INPP5A: variants seen among roughly 807,000 people sequenced by gnomAD.
INPP5A encodes inositol polyphosphate-5-phosphatase A, also known as 43 kDa inositol polyphosphate 5-phophatase.
INPP5A carries 14 observed loss-of-function variants against 65.2 expected under a neutral mutation model. The ratio of observed to expected loss-of-function variants is 0.21; its 90% CI spans 0.14 to 0.34. The LOEUF is 0.34. Among genes scored for constraint, INPP5A ranks in the 10% least tolerant of loss-of-function variants. INPP5A has a pLI of 1.00. For missense variants in INPP5A, 431 were observed against 545.6 expected (o/e 0.79, Z 2.09); for synonymous variants, 207 against 208.3 (o/e 0.99, Z 0.05).
At chr10:132,591,861 A>T (rs547493809) in intron 1 of INPP5A, among the ~76,000 whole-genome samples, 23 of 152,144 alleles carry the variant, frequency 1.5e-4, no homozygotes, top group African/African-American at 5.5e-4. Context: ...GTGAAATGGC[A>T]CTGGGCGTAA....
At position 132,707,816 on chromosome 10, in the gene INPP5A, C is replaced by CATCGGTGGGTGAAT. The variant is rs1564974505; in HGVS notation, c.475-497_475-496insATCGGTGGGTGAAT. Among the ~76,000 whole-genome samples, 165 of 151,594 alleles carry CATCGGTGGGTGAAT rather than the reference C, an allele frequency of 1.1e-3. 1 individual carries two copies. Among genetic ancestry groups the CATCGGTGGGTGAAT allele is most frequent in the African/African-American group, 3.8e-3 (159 of 41,368 alleles). ...TGGGTGAGAGGCATCGGTGGGTGAACGGCATCGGTGGGTGAGAGGCATCGG... is the reference window on the plus strand; with the variant it reads ...TGGGTGAGAGGCATCGGTGGGTGAACATCGGTGGGTGAATGGCATCGGTGGGTGAGAGGCATCGG... On this transcript the variant is annotated intron_variant, in intron 6 of 15. Coordinates refer to ENST00000368594, the MANE Select transcript of INPP5A (RefSeq NM_005539.5). This position sits in a 1 kb window ranked among gnomAD's most constrained non-coding sequence, Gnocchi z 5.5.
intron 2 of INPP5A, among the ~76,000 whole-genome samples, chr10:132,619,256 G>T (rs956266519): frequency 2.0e-5 from 3 of 152,236 alleles, no homozygotes; most frequent in Non-Finnish European, 4.4e-5. Context: ...TAAGCCAAAA[G>T]AAATGGGCTA....
chr10:132,608,336 G>A (rs144212886), intron 2 of INPP5A, among the ~76,000 whole-genome samples: 303 of 152,372 alleles, frequency 2.0e-3, no homozygotes, highest in African/African-American at 6.9e-3. Flanking sequence ...GGTCCGTGCA[G>A]CGCACTCTGT....
chr10:132,732,372 TC>T (rs1436561779), intron 9 of INPP5A, among the ~76,000 whole-genome samples: 1 of 152,230 alleles, frequency 6.6e-6, no homozygotes, highest in African/African-American at 2.4e-5. Context: ...GACAAGTCTT[TC>T]GTTACATTTT....
intron 11 of INPP5A, among the ~76,000 whole-genome samples, chr10:132,761,856 A>G (rs148365143): frequency 2.6e-5 from 4 of 152,374 alleles, no homozygotes; most frequent in African/African-American, 9.6e-5. Context: ...CAGACCGTCA[A>G]TAATGCCAAA....
At chr10:132,653,659 T>C (rs1244683378) in intron 4 of INPP5A, among the ~76,000 whole-genome samples, 1 of 152,174 alleles carries the variant, frequency 6.6e-6, no homozygotes, top group Non-Finnish European at 1.5e-5. Context: ...AAAAAAGATA[T>C]ATGGAAAAGT....
At chr10:132,702,881 C>G (rs550833227) in intron 6 of INPP5A, among the ~76,000 whole-genome samples, 1 of 152,136 alleles carries the variant, frequency 6.6e-6, no homozygotes, top group African/African-American at 2.4e-5. Flanking sequence ...TGGGGTGGGC[C>G]GGGGCACTTG....
At chr10:132,723,830 G>T (rs573812995) in intron 8 of INPP5A, among the ~76,000 whole-genome samples, 1 of 151,794 alleles carries the variant, frequency 6.6e-6, no homozygotes, top group Non-Finnish European at 1.5e-5. Flanking sequence ...CTGGGGTCTC[G>T]GAGCACAGGG....
chr10:132,657,604 G>T (rs939295382), intron 4 of INPP5A, among the ~76,000 whole-genome samples: 2 of 152,186 alleles, frequency 1.3e-5, no homozygotes, highest in Non-Finnish European at 2.9e-5. Flanking sequence ...TGAGAGGCCC[G>T]CTGCTTCCTG....
intron 8 of INPP5A, among the ~76,000 whole-genome samples, chr10:132,720,334 C>T (rs1387403569): frequency 3.3e-5 from 5 of 149,730 alleles, no homozygotes; most frequent in African/African-American, 9.9e-5. Context: ...TTTCTGGAGG[C>T]GCCTTAGACA....
At chr10:132,737,773 T>G (rs528049003) in intron 9 of INPP5A, among the ~76,000 whole-genome samples, 31 of 152,390 alleles carry the variant, frequency 2.0e-4, no homozygotes, top group Non-Finnish European at 4.1e-4. Context: ...AGCACTGATT[T>G]AAATCATTAA....
In INPP5A at chr10:132,782,069, C is replaced by A. The variant is rs749141674; in HGVS notation, c.*40C>A. ...ATGCCAGCGCCACGAGAGGACACTTCGTGAGCCTCCCTGTAGCCGTGGACC... is the reference window on the plus strand; with the variant it reads ...ATGCCAGCGCCACGAGAGGACACTTAGTGAGCCTCCCTGTAGCCGTGGACC... On this transcript the variant is annotated 3_prime_UTR_variant, in exon 16 of 16. Coordinates refer to ENST00000368594, the MANE Select transcript of INPP5A (RefSeq NM_005539.5). This position sits in a 1 kb window ranked among gnomAD's most constrained non-coding sequence, Gnocchi z 4.4. 1 of 1,555,238 alleles carries A rather than the reference C, an allele frequency of 6.4e-7. No homozygotes were observed. Among genetic ancestry groups the A allele is most frequent in the South Asian group, 1.2e-5 (1 of 86,168 alleles).
intron 4 of INPP5A, among the ~76,000 whole-genome samples, chr10:132,653,009 C>T (rs929197950): frequency 2.0e-5 from 3 of 152,208 alleles, no homozygotes; most frequent in Non-Finnish European, 4.4e-5. Context: ...GGCGGAGGGG[C>T]AGTGCCCGCC....
Position 132,645,964 on chromosome 10 carries a change from G to A in INPP5A, c.214G>A (p.Val72Ile), listed in dbSNP as rs747952207. 5.3e-5 allele frequency: 85 copies of A among 1,610,372 alleles called. No homozygotes were observed. Among genetic ancestry groups the A allele is most frequent in the Admixed American group, 8.3e-5 (5 of 59,944 alleles). ...CTCCATGTCCCACGTGGACAAGTTC[G>A]TCAAGTAAGTCTAGGGGCAGGTGCT... ...EASMSHVDKF[V>I]KELLSSDAMK... is the part of the protein sequence containing the mutation. The change falls in exon 3 of 16, where the codon GTC (valine) becomes ATC (isoleucine). Residue 72 changes from valine (V) to isoleucine (I), a missense_variant. Coordinates refer to ENST00000368594, the MANE Select transcript of INPP5A (RefSeq NM_005539.5).
intron 12 of INPP5A, among the ~76,000 whole-genome samples, chr10:132,772,410 A>G (rs113433013): frequency 1.3e-3 from 101 of 79,440 alleles, no homozygotes; most frequent in African/African-American, 4.0e-3. Context: ...CAGCCACCCC[A>G]CGAGGAGTGG....
At chr10:132,584,493 A>G (rs1296118637) in intron 1 of INPP5A, among the ~76,000 whole-genome samples, 1 of 152,186 alleles carries the variant, frequency 6.6e-6, no homozygotes, top group African/African-American at 2.4e-5. Context: ...TCTGAGGAAA[A>G]CATAAACTTA....
Position 132,650,375 on chromosome 10 carries a change from G to A in INPP5A, c.219-43G>A, listed in dbSNP as rs115201128. 1,322 of 1,383,508 alleles carry A rather than the reference G, an allele frequency of 9.6e-4. 10 individuals carry two copies. The African/African-American group carries it at 0.017, about 18-fold the overall frequency. 85.7% of individuals were successfully genotyped at this position (1,383,508 alleles called of 1,614,324 possible). ...GTGGTCATCTCATGAGGTGCAAGGCGTCTGTGTGGCTTTTCCTCAGGAACC... is the reference window on the plus strand; with the variant it reads ...GTGGTCATCTCATGAGGTGCAAGGCATCTGTGTGGCTTTTCCTCAGGAACC... On this transcript the variant is annotated intron_variant, in intron 3 of 15. Coordinates refer to ENST00000368594, the MANE Select transcript of INPP5A (RefSeq NM_005539.5). The surrounding 1 kb of genome is among the most constrained non-coding windows in gnomAD (Gnocchi z 5.5).
chr10:132,607,285 C>T (rs1054650354), intron 1 of INPP5A, among the ~76,000 whole-genome samples: 1 of 152,200 alleles, frequency 6.6e-6, no homozygotes, highest in Non-Finnish European at 1.5e-5. Context: ...GGGTCTCTGG[C>T]GGGGCTGGAG....
intron 8 of INPP5A, among the ~76,000 whole-genome samples, chr10:132,720,745 G>A (rs753320964): frequency 9.8e-5 from 14 of 143,494 alleles, no homozygotes; most frequent in South Asian, 7.0e-4. Flanking sequence ...CTGTCTGGGC[G>A]CCTTAGACGG....
Sources: gnomAD v4.1 joint callset for allele counts (sites outside exome capture counted in the v4.1 genomes callset) on GRCh38, gnomAD v4.1.1 for gene constraint, Gnocchi (gnomAD v3.1) non-coding constraint, MANE v1.5 for transcripts, NCBI Gene and HGNC (gene_info 2026-07-23, HGNC 2026-07-21) for gene names.